Variants in CLSTN2 observed in about 807,000 individuals in gnomAD.
The protein encoded by CLSTN2 is calsyntenin-2.
A neutral mutation model predicts 101.2 loss-of-function variants in CLSTN2; 48 were observed. That is an observed-to-expected ratio of 0.47 (90% confidence interval 0.38 to 0.60). The LOEUF is 0.60. CLSTN2 is among the 20% of genes least tolerant of loss of function. CLSTN2 has a pLI of 0.00. For synonymous variants in CLSTN2, 481 were observed against 463.6 expected (o/e 1.04, Z -0.48); for missense variants, 1,160 against 1,238.2 (o/e 0.94, Z 0.95).
chr3:140,248,741 C>T (rs1236097341), intron 2 of CLSTN2, among the ~76,000 whole-genome samples: 1 of 152,130 alleles, frequency 6.6e-6, no homozygotes. Flanking sequence ...CAGTTGAGTG[C>T]TTTCATAATA....
intron 1 of CLSTN2, among the ~76,000 whole-genome samples, chr3:140,150,166 A>T (rs1453681263): frequency 1.3e-5 from 2 of 152,242 alleles, no homozygotes; most frequent in African/African-American, 4.8e-5. Context: ...TTAAGTAAGC[A>T]TAGGCACTTG....
At chr3:140,241,790 G>GATATATATATATATATATACACAT (rs2086469631) in intron 2 of CLSTN2, among the ~76,000 whole-genome samples, 1 of 138,550 alleles carries the variant, frequency 7.2e-6, no homozygotes, top group African/African-American at 2.7e-5. Context: ...TCATATGCGA[G>GATATATATATATATATATACACAT]ATATATATAT....
chr3:139,965,096 C>G (rs533739778), intron 1 of CLSTN2, among the ~76,000 whole-genome samples: 7 of 152,270 alleles, frequency 4.6e-5, no homozygotes, highest in African/African-American at 1.4e-4. Flanking sequence ...TCTCTTGGCC[C>G]CACGAAGTTT....
chr3:140,264,248 A>T (rs1436322622), intron 2 of CLSTN2, among the ~76,000 whole-genome samples: 2 of 151,572 alleles, frequency 1.3e-5, no homozygotes, highest in East Asian at 3.9e-4. Context: ...TAGTACTGAA[A>T]CACTGTCTTG....
chr3:140,465,029 C>T (rs988959327), intron 7 of CLSTN2, among the ~76,000 whole-genome samples: 4 of 152,208 alleles, frequency 2.6e-5, no homozygotes, highest in Non-Finnish European at 5.9e-5. Flanking sequence ...TTGTTCTGGG[C>T]AGATGCATTC....
intron 1 of CLSTN2, among the ~76,000 whole-genome samples, chr3:140,051,439 A>C (rs899493164): frequency 6.6e-6 from 1 of 152,122 alleles, no homozygotes; most frequent in Non-Finnish European, 1.5e-5. Flanking sequence ...TGGTCGCTGC[A>C]CATCTTCCTA....
At chr3:139,976,951 C>A (rs1351504876) in intron 1 of CLSTN2, among the ~76,000 whole-genome samples, 2 of 152,164 alleles carry the variant, frequency 1.3e-5, no homozygotes, top group Non-Finnish European at 2.9e-5. Flanking sequence ...TAATGAAGCA[C>A]CCGCCCGCTC....
intron 8 of CLSTN2, among the ~76,000 whole-genome samples, chr3:140,496,825 G>T (rs1048415332): frequency 6.6e-6 from 1 of 152,104 alleles, no homozygotes; most frequent in Non-Finnish European, 1.5e-5. Flanking sequence ...CAGTCTAGCC[G>T]GGCGCGGTGG....
intron 2 of CLSTN2, among the ~76,000 whole-genome samples, chr3:140,369,452 T>G (rs537936364): frequency 3.3e-4 from 51 of 152,338 alleles, no homozygotes; most frequent in Non-Finnish European, 6.8e-4. Context: ...GGGATCAGCA[T>G]AAACTTACTG....
At chr3:139,959,079 A>G (rs1212985721) in intron 1 of CLSTN2, among the ~76,000 whole-genome samples, 2 of 151,992 alleles carry the variant, frequency 1.3e-5, no homozygotes, top group Non-Finnish European at 2.9e-5. Context: ...GTCTTTCTCT[A>G]CCTTGGGCAA....
chr3:140,348,500 A>G (rs2087572843), intron 2 of CLSTN2, among the ~76,000 whole-genome samples: 2 of 152,168 alleles, frequency 1.3e-5, no homozygotes, highest in South Asian at 2.1e-4. Context: ...ACCATCAGGC[A>G]TCAGCATCAG....
At chr3:140,506,098 G>T (rs570637409) in intron 8 of CLSTN2, 1 of 152,316 alleles carries the variant, frequency 6.6e-6, no homozygotes, top group Non-Finnish European at 1.5e-5. Flanking sequence ...CTCTTCTGCA[G>T]CTGCCCACAA....
intron 1 of CLSTN2, among the ~76,000 whole-genome samples, chr3:140,027,460 C>G (rs2007444667): frequency 6.6e-6 from 1 of 152,168 alleles, no homozygotes; most frequent in African/African-American, 2.4e-5. Context: ...TTGGAACCTT[C>G]AGAGGGATCA....
chr3:140,093,394 C>A (rs1031050563), intron 1 of CLSTN2, among the ~76,000 whole-genome samples: 34 of 152,124 alleles, frequency 2.2e-4, no homozygotes, highest in Non-Finnish European at 4.7e-4. Flanking sequence ...TCATCCTACC[C>A]CCCAGTTAGC....
intron 1 of CLSTN2, among the ~76,000 whole-genome samples, chr3:139,978,839 A>T (rs1409430906): frequency 6.6e-6 from 1 of 152,122 alleles, no homozygotes; most frequent in Non-Finnish European, 1.5e-5. Context: ...ATAATGAAAG[A>T]GTTGGCTAAA....
chr3:140,211,864 A>T (rs1447515529), intron 2 of CLSTN2, among the ~76,000 whole-genome samples: 1 of 152,152 alleles, frequency 6.6e-6, no homozygotes, highest in Non-Finnish European at 1.5e-5. Flanking sequence ...TGGGCTTCCA[A>T]GGGCCTAGTG....
chr3:140,070,173 G>A (rs923536631), intron 1 of CLSTN2, among the ~76,000 whole-genome samples: 1 of 152,230 alleles, frequency 6.6e-6, no homozygotes, highest in Non-Finnish European at 1.5e-5. Context: ...TTAGATAACA[G>A]CATCCTTGCC....
chr3:140,191,232 T>C (rs2010562988), intron 2 of CLSTN2, among the ~76,000 whole-genome samples: 1 of 152,092 alleles, frequency 6.6e-6, no homozygotes, highest in Non-Finnish European at 1.5e-5. Flanking sequence ...TTTCAAATGT[T>C]GAATCAACCT....
At chr3:140,447,691 A>G (rs1310728619) in intron 5 of CLSTN2, among the ~76,000 whole-genome samples, 2 of 152,234 alleles carry the variant, frequency 1.3e-5, no homozygotes, top group African/African-American at 4.8e-5. Context: ...TTGAACAACC[A>G]TGCTTCCTTT....
Sources: gnomAD v4.1 joint callset for allele counts (sites outside exome capture counted in the v4.1 genomes callset) on GRCh38, gnomAD v4.1.1 for gene constraint, MANE v1.5 for transcripts, NCBI Gene and HGNC (gene_info 2026-07-23, HGNC 2026-07-21) for gene names.